MED12L: variants seen among roughly 807,000 people sequenced by gnomAD.
MED12L encodes mediator complex subunit 12L.
In MED12L, 60 loss-of-function variants were observed where a neutral mutation model predicts 281.3. The ratio of observed to expected loss-of-function variants is 0.21; its 90% CI spans 0.17 to 0.26. The LOEUF (loss-of-function observed/expected upper bound fraction) is 0.26, where lower values mean the gene tolerates loss of function less well. Ranked by LOEUF, MED12L falls within the 10% of genes least tolerant of loss-of-function variation. The pLI is 1.00. For synonymous variants in MED12L, 974 were observed against 987.2 expected, an observed-to-expected ratio of 0.99 and a Z score of 0.25; for missense variants, 2,146 against 2,680.9, an observed-to-expected ratio of 0.80 and a Z score of 4.41.
At chr3:151,150,589 T>G (rs889080986) in intron 5 of MED12L, among the ~76,000 whole-genome samples, 1 of 152,236 alleles carries the variant, frequency 6.6e-6, no homozygotes, top group African/African-American at 2.4e-5. Flanking sequence ...GCCTGTCTTT[T>G]AAGGACAGGC....
intron 16 of MED12L, among the ~76,000 whole-genome samples, chr3:151,306,164 A>G (rs1746613591): frequency 6.6e-6 from 1 of 152,172 alleles, no homozygotes; most frequent in Admixed American, 6.5e-5. Context: ...TTGATTATAA[A>G]TGTATCTTTC....
At position 151,085,711 on chromosome 3, in the gene MED12L, C is replaced by G. The variant is rs980386635; in HGVS notation, c.-355C>G. 6.6e-6 allele frequency: 1 copy of G among 152,032 alleles called. No individual in the cohort carries two copies. Among genetic ancestry groups the G allele is most frequent in the Non-Finnish European group, 1.5e-5 (1 of 67,964 alleles). 9.4% of individuals were successfully genotyped at this position (152,032 alleles called of 1,614,324 possible). On this transcript the variant is annotated 5_prime_UTR_variant, in exon 1 of 45. Transcript: ENST00000687756. Reference sequence around the variant, plus strand: ...CGCCGTCCGCCAACTCGGAAGCTCGCGCTCCCGGGCCGTGGGGGCGAGAAC... The same window carrying G: ...CGCCGTCCGCCAACTCGGAAGCTCGGGCTCCCGGGCCGTGGGGGCGAGAAC...
intron 16 of MED12L, among the ~76,000 whole-genome samples, chr3:151,343,986 G>A (rs147233054): frequency 6.6e-6 from 1 of 152,108 alleles, no homozygotes; most frequent in African/African-American, 2.4e-5. Context: ...TTAAAGCAGT[G>A]CATAGTCATG....
intron 16 of MED12L, chr3:151,340,900 G>C (rs1054394849): frequency 3.9e-5 from 6 of 152,178 alleles, no homozygotes; most frequent in African/African-American, 1.4e-4. Flanking sequence ...AGGAAATGTG[G>C]GATGAGGATG....
At chr3:151,087,094 G>C in intron 2 of MED12L, 69 bp downstream of exon 2, 1 of 1,297,476 alleles carries the variant, frequency 7.7e-7, no homozygotes, top group Non-Finnish European at 1.1e-6. Context: ...GGCCAAGTTG[G>C]CCCAGCGGGC....
At chr3:151,383,157 A>G (rs949948791) in intron 33 of MED12L, among the ~76,000 whole-genome samples, 1 of 152,234 alleles carries the variant, frequency 6.6e-6, no homozygotes, top group African/African-American at 2.4e-5. Flanking sequence ...TCCCACAGAG[A>G]AGTTTTATAG....
intron 23 of MED12L, 81 bp from the exon 24 acceptor site, chr3:151,367,565 C>T: frequency 2.3e-6 from 3 of 1,301,922 alleles, no homozygotes; most frequent in South Asian, 3.2e-5. Flanking sequence ...ATTGGTATTG[C>T]CTGCATTCTC....
intron 43 of MED12L, among the ~76,000 whole-genome samples, chr3:151,420,951 TC>T (rs1718177159): frequency 6.6e-6 from 1 of 152,138 alleles, no homozygotes; most frequent in Non-Finnish European, 1.5e-5. Context: ...GTGGAAGAAG[TC>T]CAATATAATC....
intron 11 of MED12L, among the ~76,000 whole-genome samples, chr3:151,171,288 G>T (rs1392606698): frequency 6.6e-6 from 1 of 152,078 alleles, no homozygotes; most frequent in East Asian, 1.9e-4. Flanking sequence ...AGGAGGAGTT[G>T]CTCTCTTTGC....
At chr3:151,411,816 T>C (rs1199692399) in intron 41 of MED12L, among the ~76,000 whole-genome samples, 1 of 152,202 alleles carries the variant, frequency 6.6e-6, no homozygotes, top group Non-Finnish European at 1.5e-5. Context: ...TTTTTAAAAA[T>C]TCTCTGAACA....
At position 151,255,844 on chromosome 3, in the gene MED12L, C is replaced by T. The variant is rs139904766; in HGVS notation, c.2250+62178C>T. On this transcript the variant is annotated intron_variant, in intron 16 of 44. Transcript: ENST00000687756. ...CACTGCCTTGTATAAACCAGGAGAC[C>T]TCAGGCTGGTAATGTAATCTCTCTC... Among the ~76,000 whole-genome samples, 993 of 152,284 alleles carry T rather than the reference C, an allele frequency of 6.5e-3. 4 individuals are homozygous for T. Among genetic ancestry groups the T allele is most frequent in the Admixed American group, 0.011 (165 of 15,296 alleles).
At chr3:151,122,728 A>G in intron 3 of MED12L, 55 bp from the exon 4 acceptor site, 1 of 1,261,736 alleles carries the variant, frequency 7.9e-7, no homozygotes, top group Non-Finnish European at 1.1e-6. Flanking sequence ...AATGTACAGT[A>G]CTAAGCTACT....
chr3:151,356,518 C>T lies in MED12L; in HGVS notation c.2661+479C>T, dbSNP rs191536250. ...GACATTGTGAATTAACAGTCTTAAA[C>T]TAACATTTTATTTAAAGTTGTGTTC... On this transcript the variant is annotated intron_variant, in intron 19 of 44. Transcript: ENST00000687756. Among the ~76,000 whole-genome samples the T allele has an allele frequency of 4.1e-3, 620 of 152,250 alleles. 1 individual carries two copies. Among genetic ancestry groups the T allele is most frequent in the Admixed American group, 6.1e-3 (94 of 15,288 alleles).
At chr3:151,295,790 A>G (rs1359484236) in intron 16 of MED12L, among the ~76,000 whole-genome samples, 1 of 152,204 alleles carries the variant, frequency 6.6e-6, no homozygotes, top group Non-Finnish European at 1.5e-5. Flanking sequence ...ATAGAAAGAA[A>G]ATGTCTTGGC....
intron 44 of MED12L, among the ~76,000 whole-genome samples, chr3:151,432,340 A>C (rs1229357351): frequency 6.6e-6 from 1 of 152,248 alleles, no homozygotes. Context: ...GGCTATTTGC[A>C]GAAAATTGCC....
At chr3:151,348,340 C>CAAAAAAA (rs11382065) in intron 16 of MED12L, among the ~76,000 whole-genome samples, 514 of 87,568 alleles carry the variant, frequency 5.9e-3, no homozygotes, top group African/African-American at 0.01. Flanking sequence ...ACCACCAGAC[C>CAAAAAAA]AAAAAAAAAA....
chr3:151,314,323 A>G (rs887922190), intron 16 of MED12L, among the ~76,000 whole-genome samples: 2 of 152,250 alleles, frequency 1.3e-5, no homozygotes, highest in Non-Finnish European at 2.9e-5. Flanking sequence ...TGTGTTTGCC[A>G]TATAAGGAGG....
intron 2 of MED12L, among the ~76,000 whole-genome samples, chr3:151,110,131 G>GA (rs1251469651): frequency 2.0e-5 from 3 of 152,196 alleles, no homozygotes; most frequent in Non-Finnish European, 4.4e-5. Context: ...AGTACAAGAG[G>GA]AAGCTATTTG....
chr3:151,127,581 G>T (rs1714722190), intron 4 of MED12L, among the ~76,000 whole-genome samples: 1 of 152,094 alleles, frequency 6.6e-6, no homozygotes, highest in East Asian at 1.9e-4. Flanking sequence ...AGCACAACTA[G>T]TGAAAGTTTT....
Sources: allele counts gnomAD v4.1 joint callset (sites outside exome capture counted in the v4.1 genomes callset), GRCh38; gene constraint gnomAD v4.1.1; transcripts MANE v1.5; gene names NCBI Gene and HGNC (gene_info 2026-07-23, HGNC 2026-07-21).